The following KSR1 variants were observed in gnomAD, a reference collection of about 807,000 sequenced individuals.
KSR1 encodes the protein kinase suppressor of ras 1.
A neutral mutation model predicts 92.9 loss-of-function variants in KSR1; 35 were observed. The ratio of observed to expected loss-of-function variants is 0.38; its 90% CI spans 0.29 to 0.50. KSR1 has a LOEUF of 0.50. Ranked by LOEUF, KSR1 falls within the 20% of genes least tolerant of loss-of-function variation. The pLI, the probability that KSR1 is intolerant of heterozygous loss-of-function variation, is 0.94. For missense variants in KSR1, 972 were observed against 1,158.5 expected (o/e 0.84, Z 2.34); for synonymous variants, 467 against 472.6 (o/e 0.99, Z 0.15).
In KSR1 at chr17:27,501,292, C is replaced by CTTTTTTTTTTT; in HGVS notation, c.231+44433_231+44443dup. ...TTTTTTTTTTTTAATTTCTTTTCTT[C>CTTTTTTTTTTT]TTTTTTTTTTTTTTTTTTTTTTTTT... On this transcript the variant is annotated intron_variant, in intron 1 of 20. Transcript: ENST00000644974. 1.1e-3 allele frequency among the ~76,000 whole-genome samples: 56 copies of CTTTTTTTTTTT among 49,716 alleles called. 1 individual carries two copies. Among genetic ancestry groups the CTTTTTTTTTTT allele is most frequent in the Admixed American group, 3.0e-3 (8 of 2,654 alleles). 32.6% of individuals were successfully genotyped at this position (49,716 alleles called of 152,430 possible).
chr17:27,458,556 G>A (rs1313279821), intron 1 of KSR1, among the ~76,000 whole-genome samples: 1 of 152,202 alleles, frequency 6.6e-6, no homozygotes, highest in Non-Finnish European at 1.5e-5. Flanking sequence ...TTTGATGGCA[G>A]TGTGGCGTTC....
intron 18 of KSR1, among the ~76,000 whole-genome samples, chr17:27,615,944 C>A (rs2074042142): frequency 6.6e-6 from 1 of 152,202 alleles, no homozygotes; most frequent in African/African-American, 2.4e-5. Flanking sequence ...TACTAAGTGT[C>A]CAGTGCCTTG....
chr17:27,468,602 A>G (rs2150915901), intron 1 of KSR1, among the ~76,000 whole-genome samples: 1 of 152,316 alleles, frequency 6.6e-6, no homozygotes, highest in Non-Finnish European at 1.5e-5. Context: ...GTTCGTCTCT[A>G]GGAAGCAGAG....
chr17:27,467,233 C>T (rs112134753), intron 1 of KSR1, among the ~76,000 whole-genome samples: 5,721 of 152,292 alleles, frequency 0.038, 336 homozygotes, highest in African/African-American at 0.13. Flanking sequence ...CTCCTCTCTC[C>T]GTCCAGCTGG....
In KSR1 at chr17:27,577,878, C is replaced by T. The variant is rs2072580755; in HGVS notation, c.520+239C>T. ...GGGTTTCAGCCATGGTTAGAAATCC[C>T]AGGCCTGTCTGCTGGGCTGGGCTGG... is the stretch of plus-strand genomic sequence containing the variant. On this transcript the variant is annotated intron_variant, in intron 3 of 20. Coordinates refer to ENST00000644974, the MANE Select transcript of KSR1 (RefSeq NM_001394583.1). The surrounding 1 kb of genome is among the most constrained non-coding windows in gnomAD (Gnocchi z 4.5). 1 of 657,826 alleles carries T rather than the reference C, an allele frequency of 1.5e-6. No homozygotes were observed. The allele number at this position is 657,826 out of a possible 1,614,324, so 40.7% of individuals were successfully genotyped here.
chr17:27,539,238 T>TGGCTG lies in KSR1; in HGVS notation c.232-11329_232-11325dup, dbSNP rs2070870194. Among the ~76,000 whole-genome samples the TGGCTG allele has an allele frequency of 2.0e-5, 3 of 152,306 alleles. No individual in the cohort carries two copies. The South Asian group carries it at 6.2e-4, about 32-fold the overall frequency. On this transcript the variant is annotated intron_variant, in intron 1 of 20. Coordinates refer to ENST00000644974, the MANE Select transcript of KSR1 (RefSeq NM_001394583.1). Reference sequence around the variant, plus strand: ...TGAGCTGAGGGGGTAAACTAGTTCGTGGCTGTGCCCTGTGGGCCTGGTGAC... The same window carrying TGGCTG: ...TGAGCTGAGGGGGTAAACTAGTTCGTGGCTGGGCTGTGCCCTGTGGGCCTGGTGAC...
intron 1 of KSR1, among the ~76,000 whole-genome samples, chr17:27,460,686 T>G: frequency 6.6e-6 from 1 of 152,150 alleles, no homozygotes; most frequent in East Asian, 1.9e-4. Context: ...CTCACACAGC[T>G]CTGCCGTGGC....
At chr17:27,584,897 T>C (rs1292637078) in intron 4 of KSR1, among the ~76,000 whole-genome samples, 3 of 152,174 alleles carry the variant, frequency 2.0e-5, no homozygotes, top group African/African-American at 7.2e-5. Context: ...ACAGCTGTTA[T>C]CTCTGCCCTC....
intron 1 of KSR1, among the ~76,000 whole-genome samples, chr17:27,510,994 A>G (rs1176849736): frequency 6.6e-6 from 1 of 152,204 alleles, no homozygotes; most frequent in Non-Finnish European, 1.5e-5. Flanking sequence ...TCCCCATCTG[A>G]GAAGACAGAG....
At chr17:27,618,441 C>T (rs981307806) in intron 19 of KSR1, among the ~76,000 whole-genome samples, 1 of 152,190 alleles carries the variant, frequency 6.6e-6, no homozygotes, top group Non-Finnish European at 1.5e-5. Flanking sequence ...TAAAAAGTCT[C>T]TGGGCTAGGG....
intron 10 of KSR1, among the ~76,000 whole-genome samples, 151 bp downstream of exon 10, chr17:27,597,587 C>A (rs1350945463): frequency 6.6e-6 from 1 of 152,206 alleles, no homozygotes; most frequent in Non-Finnish European, 1.5e-5. Context: ...AGCACAATAG[C>A]TCTGAGGTTG....
At chr17:27,598,097 C>G (rs1034411950) in intron 10 of KSR1, among the ~76,000 whole-genome samples, 3 of 152,234 alleles carry the variant, frequency 2.0e-5, no homozygotes, top group Non-Finnish European at 4.4e-5. Flanking sequence ...CTGCCCTCAG[C>G]TGCTGGCCTG....
chr17:27,469,832 G>A (rs189560620), intron 1 of KSR1, among the ~76,000 whole-genome samples: 5 of 152,188 alleles, frequency 3.3e-5, no homozygotes, highest in South Asian at 2.1e-4. Context: ...AGCATTTTCC[G>A]TGTTATTGGA....
chr17:27,561,556 T>C (rs1473037075), intron 2 of KSR1, among the ~76,000 whole-genome samples: 1 of 152,200 alleles, frequency 6.6e-6, no homozygotes, highest in Non-Finnish European at 1.5e-5. Flanking sequence ...GGATGAAGCA[T>C]GGTCAGGTAC....
At chr17:27,597,645 G>C (rs181372109) in intron 10 of KSR1, among the ~76,000 whole-genome samples, 6 of 152,296 alleles carry the variant, frequency 3.9e-5, no homozygotes, top group African/African-American at 1.4e-4. Context: ...AGAGAGGGAG[G>C]GGCTTGCCAT....
At chr17:27,610,697 G>A (rs2073891055) in intron 17 of KSR1, among the ~76,000 whole-genome samples, 1 of 152,092 alleles carries the variant, frequency 6.6e-6, no homozygotes, top group South Asian at 2.1e-4. Flanking sequence ...AGTTTCCCCT[G>A]TTTATGTTTT....
chr17:27,502,515 C>T (rs1001061442), intron 1 of KSR1, among the ~76,000 whole-genome samples: 2 of 152,222 alleles, frequency 1.3e-5, no homozygotes, highest in Admixed American at 6.5e-5. Context: ...CCATCCTCTC[C>T]TTCCATTCTC....
At chr17:27,503,887 A>T (rs546798652) in intron 1 of KSR1, among the ~76,000 whole-genome samples, 14 of 152,256 alleles carry the variant, frequency 9.2e-5, no homozygotes, top group African/African-American at 3.1e-4. Context: ...AGTATGAATG[A>T]GAGGTAACCT....
chr17:27,547,235 T>C (rs1306525520), intron 1 of KSR1, among the ~76,000 whole-genome samples: 1 of 152,218 alleles, frequency 6.6e-6, no homozygotes, highest in Non-Finnish European at 1.5e-5. Context: ...AAAACGCTGA[T>C]GTGGTAGCAG....
Sources: gnomAD v4.1 joint callset for allele counts (sites outside exome capture counted in the v4.1 genomes callset) on GRCh38, gnomAD v4.1.1 for gene constraint, Gnocchi (gnomAD v3.1) non-coding constraint, MANE v1.5 for transcripts, NCBI Gene and HGNC (gene_info 2026-07-23, HGNC 2026-07-21) for gene names.